FBLN2: variants seen among roughly 807,000 people sequenced by gnomAD.
The protein encoded by FBLN2 is fibulin 2.
Under a neutral mutation model 123.7 loss-of-function variants are expected in FBLN2, and 81 were observed. The ratio of observed to expected loss-of-function variants is 0.65; its 90% CI spans 0.55 to 0.79. The LOEUF is 0.79. Ranked by LOEUF, FBLN2 falls within the 30% of genes least tolerant of loss-of-function variation. The probability of loss-of-function intolerance (pLI) is 0.00; values close to 1 mark genes in which losing one functional copy is unlikely to be tolerated. For synonymous variants in FBLN2, 699 were observed against 701.4 expected (o/e 1.00, Z 0.05); for missense variants, 1,603 against 1,681.3 (o/e 0.95, Z 0.81).
intron 1 of FBLN2, among the ~76,000 whole-genome samples, chr3:13,565,878 A>G (rs556256108): frequency 1.3e-5 from 2 of 152,342 alleles, no homozygotes; most frequent in South Asian, 2.1e-4. Flanking sequence ...GAATTCTCAC[A>G]TGGGTACTGC....
intron 2 of FBLN2, among the ~76,000 whole-genome samples, chr3:13,601,032 G>A (rs1171653491): frequency 6.6e-6 from 1 of 152,188 alleles, no homozygotes; most frequent in East Asian, 1.9e-4. Context: ...TTTTTGTTAA[G>A]GGTAGTCACT....
chr3:13,619,367 GTTC>G (rs781782476), intron 7 of FBLN2, among the ~76,000 whole-genome samples: 12 of 151,384 alleles, frequency 7.9e-5, no homozygotes, highest in Non-Finnish European at 1.5e-4. Flanking sequence ...CTTCTTTGTT[GTTC>G]TTCTCCTCAT....
Position 13,631,319 on chromosome 3 carries a change from T to A in FBLN2, c.3086-10T>A, listed in dbSNP as rs1706248030. On this transcript the variant is annotated splice_polypyrimidine_tract_variant and intron_variant, in intron 15 of 17. Coordinates refer to ENST00000404922, the MANE Select transcript of FBLN2 (RefSeq NM_001004019.2). The stretch of plus-strand genomic sequence containing the variant: ...CGAGGTTCACCAGGGGCTGAACCTC[T>A]CTCTGACAGACATCGACGAGTGTGC... The A allele has an allele frequency of 6.2e-7, 1 of 1,600,476 alleles. No individual in the cohort carries two copies. The highest frequency in any genetic ancestry group is 1.3e-5 in the African/African-American group (1 of 74,712).
chr3:13,568,671 GA>G, intron 1 of FBLN2: 6 of 601,914 alleles, frequency 1.0e-5, no homozygotes, highest in Non-Finnish European at 1.2e-5. Flanking sequence ...CCTCCTCAGA[GA>G]AGCCCTCCTC....
At chr3:13,573,779 C>T (rs113275794) in intron 2 of FBLN2, among the ~76,000 whole-genome samples, 2,563 of 151,620 alleles carry the variant, frequency 0.017, 76 homozygotes, top group African/African-American at 0.058. Context: ...GGCAGGCGCC[C>T]GTAATCCCAG....
At chr3:13,557,878 T>A (rs1442494075) in intron 1 of FBLN2, among the ~76,000 whole-genome samples, 1 of 152,170 alleles carries the variant, frequency 6.6e-6, no homozygotes, top group Non-Finnish European at 1.5e-5. Context: ...AGGTTCAAAT[T>A]TGAGCTCTGA....
At chr3:13,603,698 C>T (rs181513958) in intron 2 of FBLN2, among the ~76,000 whole-genome samples, 16 of 152,090 alleles carry the variant, frequency 1.1e-4, no homozygotes, top group African/African-American at 2.7e-4. Context: ...AGTAAATATA[C>T]GTGTGCATGT....
intron 1 of FBLN2, among the ~76,000 whole-genome samples, chr3:13,550,401 T>G (rs905416566): frequency 6.6e-6 from 1 of 152,208 alleles, no homozygotes; most frequent in Admixed American, 6.5e-5. Context: ...GTTGCCCATA[T>G]CAGCTTTGCA....
rs761059303 is a variant in FBLN2, at chr3:13,629,211, G to T, written c.2761G>T (p.Val921Leu). The change falls in exon 13 of 18, where the codon GTG becomes TTG. Residue 921 changes from valine to leucine, a missense_variant. Coordinates refer to ENST00000404922, the MANE Select transcript of FBLN2 (RefSeq NM_001004019.2). ...TGVHRCGEGQVCHNLPGSYRC... is the reference protein window; with the variant it reads ...TGVHRCGEGQLCHNLPGSYRC... The stretch of plus-strand genomic sequence containing the variant: ...TGTGCACCGCTGCGGTGAGGGCCAA[G>T]TGTGCCACAACCTCCCTGGCTCCTA... The T allele has an allele frequency of 1.2e-6, 2 of 1,613,380 alleles. No individual in the cohort carries two copies. Among genetic ancestry groups the T allele is most frequent in the Non-Finnish European group, 1.7e-6 (2 of 1,179,774 alleles).
At chr3:13,606,148 C>T (rs1306062045) in intron 2 of FBLN2, among the ~76,000 whole-genome samples, 2 of 152,200 alleles carry the variant, frequency 1.3e-5, no homozygotes, top group Non-Finnish European at 2.9e-5. Flanking sequence ...GATGAACCCA[C>T]CTTAGCCTCC....
At chr3:13,587,230 G>A (rs1477689654) in intron 2 of FBLN2, among the ~76,000 whole-genome samples, 1 of 151,540 alleles carries the variant, frequency 6.6e-6, no homozygotes, top group Admixed American at 6.6e-5. Context: ...TTTTTCTATA[G>A]CTGTACAATG....
At chr3:13,581,069 G>A (rs549574816) in intron 2 of FBLN2, among the ~76,000 whole-genome samples, 1 of 152,190 alleles carries the variant, frequency 6.6e-6, no homozygotes, top group Non-Finnish European at 1.5e-5. Flanking sequence ...AAACACACAG[G>A]TGTTTAATTT....
chr3:13,629,837 G>A lies in FBLN2; in HGVS notation c.2860G>A (p.Ala954Thr). The change falls in exon 14 of 18, where the codon GCC becomes ACC. Residue 954 changes from alanine to threonine, a missense_variant. Ala to Thr is a moderately conservative substitution (Grantham distance 58, BLOSUM62 0). Transcript: ENST00000404922. ...RGCIDVNECW[A>T]SPGRLCQHTC... ...TCCCACAGACGTGAATGAGTGCTGGGCCTCGCCAGGCCGCCTGTGCCAGCA... is the reference window on the plus strand; with the variant it reads ...TCCCACAGACGTGAATGAGTGCTGGACCTCGCCAGGCCGCCTGTGCCAGCA... The A allele has an allele frequency of 6.3e-7, 1 of 1,577,946 alleles. No homozygotes were observed. The highest frequency in any genetic ancestry group is 1.8e-5 in the Admixed American group (1 of 55,132).
chr3:13,632,374 C>A (rs1706286916), intron 16 of FBLN2, among the ~76,000 whole-genome samples: 1 of 152,354 alleles, frequency 6.6e-6, no homozygotes, highest in Non-Finnish European at 1.5e-5. Context: ...TGGGGTGCAG[C>A]TTTCGGGGTG....
chr3:13,636,257 C>A (rs1220848353), intron 16 of FBLN2, among the ~76,000 whole-genome samples, 188 bp from the exon 17 acceptor site: 1 of 152,204 alleles, frequency 6.6e-6, no homozygotes, highest in Non-Finnish European at 1.5e-5. Context: ...GTGATTGACA[C>A]TTTAGAGCCA....
At position 13,558,834 on chromosome 3, in the gene FBLN2, T is replaced by C. The variant is rs573161411; in HGVS notation, c.-42+9626T>C. ...CCACCTACCTACCCATTCATCCATC[T>C]ACCTACTTATCCCACCCTCAGGGCT... On this transcript the variant is annotated intron_variant, in intron 1 of 17. Transcript: ENST00000404922. Among the ~76,000 whole-genome samples the C allele has an allele frequency of 1.1e-3, 151 of 134,446 alleles. 1 individual carries two copies. In the Middle Eastern group the frequency reaches 0.019, roughly 17 times the overall value. The allele number at this position is 134,446 out of a possible 152,430, so 88.2% of individuals were successfully genotyped here. A position where few individuals can be genotyped will look rare whatever the true frequency, so the allele number is the denominator to read the frequency against.
chr3:13,622,184 C>T (rs140724932), intron 9 of FBLN2, among the ~76,000 whole-genome samples: 1 of 152,310 alleles, frequency 6.6e-6, no homozygotes, highest in East Asian at 1.9e-4. Flanking sequence ...GGGACCCCAC[C>T]TGGGCTGCAG....
At chr3:13,605,544 A>G (rs1188759276) in intron 2 of FBLN2, among the ~76,000 whole-genome samples, 1 of 151,948 alleles carries the variant, frequency 6.6e-6, no homozygotes. Flanking sequence ...TATCCAGTCT[A>G]TTGTTTCTGA....
intron 1 of FBLN2, among the ~76,000 whole-genome samples, chr3:13,555,700 C>A (rs776178897): frequency 6.6e-6 from 1 of 151,722 alleles, no homozygotes; most frequent in South Asian, 2.1e-4. Context: ...GTGATCCACC[C>A]GCCTTGGCCT....
Sources: gnomAD v4.1 joint callset for allele counts (sites outside exome capture counted in the v4.1 genomes callset) on GRCh38, gnomAD v4.1.1 for gene constraint, MANE v1.5 for transcripts, NCBI Gene and HGNC (gene_info 2026-07-23, HGNC 2026-07-21) for gene names.